Variants in TWF1 observed in about 807,000 individuals in gnomAD.
The protein encoded by TWF1 is twinfilin actin binding protein 1, also known as twinfilin-1.
In TWF1, 14 loss-of-function variants were observed where a neutral mutation model predicts 47.9. That is an observed-to-expected ratio of 0.29 (90% confidence interval 0.19 to 0.46). The LOEUF is 0.46. Among genes scored for constraint, TWF1 ranks in the 20% least tolerant of loss-of-function variants. The pLI, the probability that TWF1 is intolerant of heterozygous loss-of-function variation, is 1.00. For synonymous variants in TWF1, 96 were observed against 139.2 expected, an observed-to-expected ratio of 0.69 and a Z score of 2.18; for missense variants, 281 against 409.3, an observed-to-expected ratio of 0.69 and a Z score of 2.70.
chr12:43,805,095 C>A (rs940991904), intron 1 of TWF1, among the ~76,000 whole-genome samples: 4 of 152,182 alleles, frequency 2.6e-5, no homozygotes, highest in Non-Finnish European at 5.9e-5. Flanking sequence ...ACTTGCATTT[C>A]TCAAAAGCTA....
At position 43,806,278 on chromosome 12, in the gene TWF1, G is replaced by A. The variant is rs1426719744; in HGVS notation, c.-33C>T. 4.0e-6 allele frequency: 6 copies of A among 1,502,652 alleles called. No homozygotes were observed. Among genetic ancestry groups the A allele is most frequent in the South Asian group, 2.5e-5 (2 of 80,562 alleles). 93.1% of individuals were successfully genotyped at this position (1,502,652 alleles called of 1,614,324 possible). On this transcript the variant is annotated 5_prime_UTR_variant, in exon 1 of 9. Coordinates refer to ENST00000395510, the MANE Select transcript of TWF1 (RefSeq NM_002822.5). The stretch of plus-strand genomic sequence containing the variant: ...GCCGCTAGCTCCCGGCTCCGGCGCT[G>A]AGTGCAGCCAGCGGCCCCGGCCGGC...
chr12:43,806,166 C>A, intron 1 of TWF1, 55 bp downstream of exon 1: 1 of 1,535,826 alleles, frequency 6.5e-7, no homozygotes, highest in Non-Finnish European at 8.7e-7. Context: ...GCCCTCCCGG[C>A]TCTCCCGGCT....
At chr12:43,799,589 A>T in intron 4 of TWF1, 87 bp from the exon 5 acceptor site, 1 of 622,268 alleles carries the variant, frequency 1.6e-6, no homozygotes, top group South Asian at 3.2e-5. Flanking sequence ...AATCATTAAC[A>T]GAAAAGATTT....
rs953352647 is a variant in TWF1 at position 43,798,453 on chromosome 12, G to A, written c.484-620C>T. On this transcript the variant is annotated intron_variant, in intron 5 of 8. Transcript: ENST00000395510. ...GCTAGTAGAGAGTCTCATTCGCAGT[G>A]TTGCAACAGAAAGTCCAATAGAAAT... 12 of 1,032,272 alleles carry A rather than the reference G, an allele frequency of 1.2e-5. No homozygotes were observed. The African/African-American group carries it at 1.7e-4, about 14-fold the overall frequency. 63.9% of individuals were successfully genotyped at this position (1,032,272 alleles called of 1,614,324 possible). A position where few individuals can be genotyped will look rare whatever the true frequency, so the allele number is the denominator to read the frequency against.
In TWF1 at chr12:43,794,193, AG is replaced by A. The variant is rs1297075339; in HGVS notation, c.*1391del. The stretch of plus-strand genomic sequence containing the variant: ...CACCCATGGAACAACTTATATCTTT[AG>A]TAAACAAGTGCAACATTATTGTCAG... On this transcript the variant is annotated 3_prime_UTR_variant, in exon 9 of 9. Transcript: ENST00000395510. The A allele has an allele frequency of 6.6e-6, 1 of 152,650 alleles. No individual in the cohort carries two copies. The highest frequency in any genetic ancestry group is 1.5e-5 in the Non-Finnish European group (1 of 68,040). The allele number at this position is 152,650 out of a possible 1,614,324, so 9.5% of individuals were successfully genotyped here. A position where few individuals can be genotyped will look rare whatever the true frequency, so the allele number is the denominator to read the frequency against.
chr12:43,805,821 GA>G, intron 1 of TWF1: 14 of 1,377,160 alleles, frequency 1.0e-5, no homozygotes, highest in Non-Finnish European at 1.3e-5. Flanking sequence ...CCATGAAAAA[GA>G]AAACTCGCCT....
intron 5 of TWF1, chr12:43,798,439 G>T: frequency 1.2e-6 from 1 of 829,404 alleles, no homozygotes; most frequent in Non-Finnish European, 1.8e-6. Context: ...CTAGTAGAGA[G>T]TCTCATTCGC....
Position 43,806,278 on chromosome 12 carries a change from G to T in TWF1, c.-33C>A. On this transcript the variant is annotated 5_prime_UTR_variant, in exon 1 of 9. Transcript: ENST00000395510. Reference sequence around the variant, plus strand: ...GCCGCTAGCTCCCGGCTCCGGCGCTGAGTGCAGCCAGCGGCCCCGGCCGGC... The same window carrying T: ...GCCGCTAGCTCCCGGCTCCGGCGCTTAGTGCAGCCAGCGGCCCCGGCCGGC... The T allele has an allele frequency of 5.3e-6, 8 of 1,502,762 alleles. No homozygotes were observed. The highest frequency in any genetic ancestry group is 7.1e-6 in the Non-Finnish European group (8 of 1,129,218). 93.1% of individuals were successfully genotyped at this position (1,502,762 alleles called of 1,614,324 possible).
intron 3 of TWF1, among the ~76,000 whole-genome samples, chr12:43,800,772 C>T (rs528736191): frequency 1.4e-4 from 22 of 152,134 alleles, no homozygotes; most frequent in Non-Finnish European, 2.6e-4. Flanking sequence ...TTTTTTGAGA[C>T]GCAGATTTGC....
intron 4 of TWF1, among the ~76,000 whole-genome samples, chr12:43,799,714 C>T (rs147339771): frequency 1.5e-4 from 23 of 152,026 alleles, no homozygotes; most frequent in Admixed American, 1.4e-3. Context: ...TTATATGAAG[C>T]TTTATAATTA....
At chr12:43,797,878 T>C (rs1942583770) in intron 5 of TWF1, 45 bp from the exon 6 acceptor site, 1 of 1,577,720 alleles carries the variant, frequency 6.3e-7, no homozygotes. Context: ...GTTAGCAGTA[T>C]CCTATGGCAA....
intron 3 of TWF1, among the ~76,000 whole-genome samples, chr12:43,801,185 T>C (rs1405616009): frequency 1.3e-5 from 2 of 152,228 alleles, no homozygotes; most frequent in Non-Finnish European, 2.9e-5. Context: ...TTCTCAAAGC[T>C]GTATCAAAGA....
chr12:43,804,154 ATTT>A (rs746126686), intron 2 of TWF1: 5 of 332,516 alleles, frequency 1.5e-5, no homozygotes, highest in Admixed American at 3.8e-5. Context: ...ACAAGTAACT[ATTT>A]TTTTTTTTTG....
chr12:43,795,858 G>C (rs1244839070), intron 8 of TWF1, 103 bp from the exon 9 acceptor site: 1 of 1,172,928 alleles, frequency 8.5e-7, no homozygotes, highest in African/African-American at 1.5e-5. Flanking sequence ...TTTCCAGTAA[G>C]GCAGAATCAA....
intron 4 of TWF1, among the ~76,000 whole-genome samples, chr12:43,799,821 A>C (rs1942626435): frequency 6.6e-6 from 1 of 152,114 alleles, no homozygotes; most frequent in Non-Finnish European, 1.5e-5. Context: ...CTTCTGGAGA[A>C]AACTGCCCAA....
chr12:43,793,725 AAAGAG>A lies in TWF1; in HGVS notation c.*1855_*1859del, dbSNP rs1369728452. 1 of 152,644 alleles carries A rather than the reference AAAGAG, an allele frequency of 6.6e-6. No homozygotes were observed. Among genetic ancestry groups the A allele is most frequent in the Non-Finnish European group, 1.5e-5 (1 of 68,040 alleles). 9.5% of individuals were successfully genotyped at this position (152,644 alleles called of 1,614,324 possible). On this transcript the variant is annotated 3_prime_UTR_variant, in exon 9 of 9. Coordinates refer to ENST00000395510, the MANE Select transcript of TWF1 (RefSeq NM_002822.5). ...AAAACCAACAGAACATACACAACTT[AAAGAG>A]AAAAAATTTTTATTGTGATATAAAA...
intron 3 of TWF1, among the ~76,000 whole-genome samples, chr12:43,801,931 G>A (rs1427750333): frequency 6.6e-6 from 1 of 152,196 alleles, no homozygotes. Flanking sequence ...TCAAGAGGCT[G>A]AGGTGGGAAA....
chr12:43,795,615 G>A lies in TWF1; in HGVS notation c.1023C>T (p.Gly341=). ...GKRGIRRLIR[G]PAETEATTD Reference sequence around the variant, plus strand: ...CAGTAGTAGCTTCAGTTTCCGCTGGGCCCCTAATTAGTCTTCGAATTCCTC... The same window carrying A: ...CAGTAGTAGCTTCAGTTTCCGCTGGACCCCTAATTAGTCTTCGAATTCCTC... The change falls in exon 9 of 9, where the codon GGC becomes GGT. Residue 341 remains glycine, a synonymous_variant. Coordinates refer to ENST00000395510, the MANE Select transcript of TWF1 (RefSeq NM_002822.5). 6.2e-7 allele frequency: 1 copy of A among 1,612,128 alleles called. No homozygotes were observed. Among genetic ancestry groups the A allele is most frequent in the Non-Finnish European group, 8.5e-7 (1 of 1,179,816 alleles).
At chr12:43,801,316 T>C (rs1942657446) in intron 3 of TWF1, among the ~76,000 whole-genome samples, 1 of 152,186 alleles carries the variant, frequency 6.6e-6, no homozygotes, top group Non-Finnish European at 1.5e-5. Context: ...GGAAAGCTAC[T>C]AAAGATAACT....
Sources: allele counts gnomAD v4.1 joint callset (sites outside exome capture counted in the v4.1 genomes callset), GRCh38; gene constraint gnomAD v4.1.1; transcripts MANE v1.5; gene names NCBI Gene and HGNC (gene_info 2026-07-23, HGNC 2026-07-21).